ANKFN1: variants seen among roughly 807,000 people sequenced by gnomAD.
ANKFN1 encodes the protein ankyrin repeat and fibronectin type-III domain-containing protein 1.
A neutral mutation model predicts 108.7 loss-of-function variants in ANKFN1; 74 were observed. The observed-to-expected ratio is 0.68, with a 90% confidence interval of 0.56 to 0.83. The LOEUF (loss-of-function observed/expected upper bound fraction) is 0.83. ANKFN1 is among the 40% of genes least tolerant of loss of function. ANKFN1 has a pLI of 0.00. For synonymous variants in ANKFN1, 547 were observed against 516.2 expected, an observed-to-expected ratio of 1.06 and a Z score of -0.81; for missense variants, 1,505 against 1,382.3, an observed-to-expected ratio of 1.09 and a Z score of -1.41.
chr17:56,118,049 T>C (rs767511257), intron 4 of ANKFN1, among the ~76,000 whole-genome samples: 20 of 152,176 alleles, frequency 1.3e-4, no homozygotes, highest in Non-Finnish European at 2.1e-4. Flanking sequence ...TTTACATTAT[T>C]GTGTTTCAGT....
chr17:56,203,045 T>C (rs754416851), intron 1 of ANKFN1, among the ~76,000 whole-genome samples: 2 of 152,198 alleles, frequency 1.3e-5, no homozygotes, highest in Non-Finnish European at 2.9e-5. Flanking sequence ...TGCTCTGCTT[T>C]TATTATGAAG....
intron 3 of ANKFN1, among the ~76,000 whole-genome samples, chr17:56,321,032 T>C (rs749582467): frequency 6.8e-6 from 1 of 147,412 alleles, no homozygotes; most frequent in Non-Finnish European, 1.5e-5. Context: ...AGAACTAGCA[T>C]GCCCGTGAGC....
At chr17:56,235,643 TGTC>T (rs981402399) in intron 3 of ANKFN1, among the ~76,000 whole-genome samples, 39 of 152,336 alleles carry the variant, frequency 2.6e-4, no homozygotes, top group African/African-American at 8.9e-4. Context: ...TTGTCAGCTT[TGTC>T]AAAGATCAGA....
intron 1 of ANKFN1, among the ~76,000 whole-genome samples, chr17:56,199,581 T>C (rs962952245): frequency 2.0e-5 from 3 of 152,144 alleles, no homozygotes; most frequent in Non-Finnish European, 4.4e-5. Context: ...TTTCCTGGCA[T>C]TTGATTTGAC....
At chr17:56,180,106 A>G (rs1314609485) in intron 1 of ANKFN1, among the ~76,000 whole-genome samples, 1 of 152,184 alleles carries the variant, frequency 6.6e-6, no homozygotes, top group Non-Finnish European at 1.5e-5. Context: ...CTCTTCTCAT[A>G]CATGGAGTAT....
chr17:56,458,941 CAAT>C (rs1173976434), intron 14 of ANKFN1, among the ~76,000 whole-genome samples: 2 of 152,180 alleles, frequency 1.3e-5, no homozygotes, highest in African/African-American at 4.8e-5. Context: ...TAAACCCTCA[CAAT>C]AATAATAATT....
intron 3 of ANKFN1, among the ~76,000 whole-genome samples, chr17:56,248,267 T>A (rs2043160677): frequency 6.6e-6 from 1 of 152,010 alleles, no homozygotes; most frequent in South Asian, 2.1e-4. Flanking sequence ...TGATACAGAG[T>A]ATGAGAAGCC....
Position 56,097,250 on chromosome 17 carries a change from G to A in ANKFN1, c.288+50925G>A, listed in dbSNP as rs116721278. Among the ~76,000 whole-genome samples the A allele has an allele frequency of 2.9e-3, 432 of 150,852 alleles. 2 individuals carry two copies. Among genetic ancestry groups the A allele is most frequent in the African/African-American group, 0.01 (421 of 41,352 alleles). On this transcript the variant is annotated intron_variant, in intron 4 of 12. Coordinates refer to the ANKFN1 transcript ENST00000635860. ...CTTGAACCTAAAATAAAAGTTAAAGGGACAATATAGGCAATAACTTAAAAA... is the reference window on the plus strand; with the variant it reads ...CTTGAACCTAAAATAAAAGTTAAAGAGACAATATAGGCAATAACTTAAAAA...
At chr17:56,348,434 G>T (rs1400506269) in intron 4 of ANKFN1, among the ~76,000 whole-genome samples, 5 of 151,738 alleles carry the variant, frequency 3.3e-5, no homozygotes, top group Non-Finnish European at 7.4e-5. Context: ...CTTAAAAGGT[G>T]CCTCAGCAAA....
At chr17:56,083,341 A>G (rs1905270820) in intron 4 of ANKFN1, among the ~76,000 whole-genome samples, 1 of 151,364 alleles carries the variant, frequency 6.6e-6, no homozygotes, top group Admixed American at 6.6e-5. Context: ...TGTGTTAGAC[A>G]TATGCTTGGG....
intron 3 of ANKFN1, among the ~76,000 whole-genome samples, chr17:56,235,904 G>A (rs563787733): frequency 6.6e-6 from 1 of 152,186 alleles, no homozygotes; most frequent in South Asian, 2.1e-4. Context: ...GTCTTTGGTA[G>A]TTGGATAAAA....
chr17:56,426,314 T>C (rs1421690570), intron 8 of ANKFN1, among the ~76,000 whole-genome samples: 1 of 152,240 alleles, frequency 6.6e-6, no homozygotes, highest in East Asian at 1.9e-4. Flanking sequence ...TATTTCCAAA[T>C]AGCAGTCTTG....
At chr17:56,176,776 T>A (rs1355075497) in intron 1 of ANKFN1, among the ~76,000 whole-genome samples, 1 of 152,162 alleles carries the variant, frequency 6.6e-6, no homozygotes, top group African/African-American at 2.4e-5. Flanking sequence ...AAGATGAAGG[T>A]AGAGCCAGAA....
At chr17:56,458,478 A>T (rs537976688) in intron 14 of ANKFN1, among the ~76,000 whole-genome samples, 152 of 137,242 alleles carry the variant, frequency 1.1e-3, no homozygotes, top group African/African-American at 3.9e-3. Flanking sequence ...GCTTACTTAT[A>T]AAAAAAAAAC....
rs1491156089 is a variant in ANKFN1 at position 56,337,616 on chromosome 17, AAG to A, written c.188+11262_188+11263del. Among the ~76,000 whole-genome samples the A allele has an allele frequency of 3.5e-5, 4 of 112,798 alleles. No homozygotes were observed. In the East Asian group the frequency reaches 1.1e-3, roughly 32 times the overall value. 74.0% of individuals were successfully genotyped at this position (112,798 alleles called of 152,430 possible). On this transcript the variant is annotated intron_variant, in intron 4 of 20. Transcript: ENST00000682825. The stretch of plus-strand genomic sequence containing the variant: ...AACTGAAACAAATTTACAAGAAAAA[AAG>A]CAACCCCATCAAAAAGTGGGCAAAG...
chr17:56,204,371 TG>T (rs1026073071), intron 1 of ANKFN1, among the ~76,000 whole-genome samples: 6 of 151,280 alleles, frequency 4.0e-5, no homozygotes, highest in Non-Finnish European at 8.8e-5. Context: ...GACAGAGTTT[TG>T]CTCTGTCGCC....
chr17:56,324,693 G>A (rs2045467586), intron 3 of ANKFN1, among the ~76,000 whole-genome samples: 1 of 152,126 alleles, frequency 6.6e-6, no homozygotes, highest in Non-Finnish European at 1.5e-5. Context: ...TAAACCTCAA[G>A]GGCATGAATA....
chr17:56,437,164 A>G (rs1440202266), intron 8 of ANKFN1, among the ~76,000 whole-genome samples: 2 of 152,216 alleles, frequency 1.3e-5, no homozygotes, highest in African/African-American at 4.8e-5. Context: ...CCAAAACAGA[A>G]CCACATCTTC....
chr17:56,108,390 G>A (rs1313455076), intron 4 of ANKFN1, among the ~76,000 whole-genome samples: 2 of 152,080 alleles, frequency 1.3e-5, no homozygotes, highest in Middle Eastern at 3.2e-3. Context: ...TGGCAACCAG[G>A]GCTTTTCTTC....
Sources: gnomAD v4.1 joint callset for allele counts (sites outside exome capture counted in the v4.1 genomes callset) on GRCh38, gnomAD v4.1.1 for gene constraint, MANE v1.5 for transcripts, NCBI Gene and HGNC (gene_info 2026-07-23, HGNC 2026-07-21) for gene names.